SRP68: variants seen among roughly 807,000 people sequenced by gnomAD.
SRP68 encodes the protein signal recognition particle 68, also known as signal recognition particle subunit SRP68.
In SRP68, 15 loss-of-function variants were observed where a neutral mutation model predicts 82.2. The ratio of observed to expected loss-of-function variants is 0.18; its 90% CI spans 0.12 to 0.28. The LOEUF (loss-of-function observed/expected upper bound fraction) is 0.28, where lower values mean the gene tolerates loss of function less well. Among genes scored for constraint, SRP68 ranks in the 10% least tolerant of loss-of-function variants. The pLI is 1.00. For missense variants in SRP68, 595 were observed against 780.5 expected (o/e 0.76, Z 2.83); for synonymous variants, 261 against 292.6 (o/e 0.89, Z 1.10).
rs191111098 is a variant in SRP68 at position 76,043,437 on chromosome 17, C to T, written c.1524+392G>A. 1,203 of 154,098 alleles carry T rather than the reference C, an allele frequency of 7.8e-3. 17 individuals carry two copies. The highest frequency in any genetic ancestry group is 0.027 in the African/African-American group (1,128 of 41,514). 9.5% of individuals were successfully genotyped at this position (154,098 alleles called of 1,614,324 possible). A position where few individuals can be genotyped will look rare whatever the true frequency, so the allele number is the denominator to read the frequency against. ...GAATCACTAAGGGGCCTTTCTAAGT[C>T]CCAATGCCCACTTCAGATCCCTCAC... On this transcript the variant is annotated intron_variant, in intron 13 of 15. Transcript: ENST00000307877.
intron 7 of SRP68, among the ~76,000 whole-genome samples, chr17:76,058,310 G>A (rs999736454): frequency 6.6e-6 from 1 of 151,880 alleles, no homozygotes; most frequent in Non-Finnish European, 1.5e-5. Context: ...TAGTACAGAC[G>A]GGGTTTCTCC....
rs1370539839 is a variant in SRP68 at position 76,057,411 on chromosome 17, T to C, written c.970A>G (p.Ile324Val). ...LLGLADNEAA[I>V]VQAESEETKE... ...AAGTTCTTCCTCCTCACCTGGACAA[T>C]AGCTGCTTCGTTATCAGCCAGTCCT... The change falls in exon 8 of 16, where the codon ATT becomes GTT. Residue 324 changes from isoleucine to valine, a missense_variant. Ile to Val is a conservative substitution (Grantham distance 29). Transcript: ENST00000307877. The C allele has an allele frequency of 5.6e-6, 9 of 1,614,182 alleles. No individual in the cohort carries two copies. The East Asian group carries it at 8.9e-5, about 16-fold the overall frequency.
At chr17:76,048,005 C>G (rs539428113) in intron 9 of SRP68, 35 bp from the exon 10 acceptor site, 1 of 1,451,002 alleles carries the variant, frequency 6.9e-7, no homozygotes, top group Non-Finnish European at 9.5e-7. Flanking sequence ...AGTAAAGCAA[C>G]TGATGCTCTC....
chr17:76,058,136 C>T (rs2066725408), intron 7 of SRP68, among the ~76,000 whole-genome samples: 2 of 143,082 alleles, frequency 1.4e-5, no homozygotes, highest in South Asian at 4.3e-4. Context: ...CCATGCCTGG[C>T]TAATTTAAGA....
At chr17:76,053,959 C>T (rs2066694542) in intron 8 of SRP68, among the ~76,000 whole-genome samples, 1 of 152,204 alleles carries the variant, frequency 6.6e-6, no homozygotes, top group Admixed American at 6.5e-5. Context: ...CCAACCAGAA[C>T]GTGCTCTTAA....
At chr17:76,053,282 A>G (rs1050587012) in intron 8 of SRP68, among the ~76,000 whole-genome samples, 3 of 151,796 alleles carry the variant, frequency 2.0e-5, no homozygotes, top group Non-Finnish European at 2.9e-5. Flanking sequence ...AAAAAAAAAA[A>G]AAAGAAACAC....
At chr17:76,050,217 G>A (rs1217776852) in intron 9 of SRP68, among the ~76,000 whole-genome samples, 1 of 152,208 alleles carries the variant, frequency 6.6e-6, no homozygotes, top group African/African-American at 2.4e-5. Context: ...GAAACCATTA[G>A]GAGGAACAGG....
intron 8 of SRP68, among the ~76,000 whole-genome samples, chr17:76,050,872 C>A (rs936690834): frequency 6.6e-6 from 1 of 151,852 alleles, no homozygotes; most frequent in African/African-American, 2.4e-5. Context: ...GGACCTGGCA[C>A]CCCTTGAGGG....
chr17:76,065,703 G>A (rs2066801332), intron 3 of SRP68, among the ~76,000 whole-genome samples: 1 of 152,052 alleles, frequency 6.6e-6, no homozygotes, highest in Non-Finnish European at 1.5e-5. Context: ...AATCCTTCAA[G>A]GTCAAGCCTC....
rs1359719996 is a variant in SRP68, at chr17:76,062,741, A to T, written c.562-1167T>A. The stretch of plus-strand genomic sequence containing the variant: ...TATTATATTTATTTTATATATATAT[A>T]TATATATATATATATATATATATAA... On this transcript the variant is annotated intron_variant, in intron 4 of 15. Coordinates refer to ENST00000307877, the MANE Select transcript of SRP68 (RefSeq NM_014230.4). Among the ~76,000 whole-genome samples, 105 of 27,938 alleles carry T rather than the reference A, an allele frequency of 3.8e-3. 34 individuals carry two copies. Among genetic ancestry groups the T allele is most frequent in the Non-Finnish European group, 4.6e-3 (80 of 17,518 alleles). 18.3% of individuals were successfully genotyped at this position (27,938 alleles called of 152,430 possible).
chr17:76,046,255 T>A (rs1598259315), intron 10 of SRP68, 61 bp from the exon 11 acceptor site: 2 of 1,578,808 alleles, frequency 1.3e-6, no homozygotes, highest in Non-Finnish European at 1.7e-6. Context: ...CTGGGAGGAC[T>A]GGACTACAAG....
chr17:76,072,407 C>T lies in SRP68; in HGVS notation c.85G>A (p.Gly29Ser). Residue 29 changes from glycine to serine, a missense_variant, in exon 1 of 16, where the codon GGT becomes AGT. This residue lies in a region of SRP68 where 100 missense variants were observed against 91.9 expected (regional missense o/e 1.09). Transcript: ENST00000307877. The surrounding 1 kb of genome is among the most constrained non-coding windows in gnomAD (Gnocchi z 4.5). ...TCTTCCCCTCCGGCACCACGTCCAC[C>T]GCCGCTACCGCCGCCGCCACTGCCA... ...GGGSGGGGSG[G>S]GRGAGGEENK... 6.3e-7 allele frequency: 1 copy of T among 1,599,030 alleles called. No individual in the cohort carries two copies. Among genetic ancestry groups the T allele is most frequent in the Non-Finnish European group, 8.5e-7 (1 of 1,178,098 alleles).
Position 76,046,034 on chromosome 17 carries a change from T to C in SRP68, c.1299+4A>G. The C allele has an allele frequency of 1.9e-6, 3 of 1,613,490 alleles. No homozygotes were observed. Among genetic ancestry groups the C allele is most frequent in the Non-Finnish European group, 2.5e-6 (3 of 1,179,786 alleles). ...CCCTTGCCTTCCCGGTCCTCAAGGG[T>C]CACCTGTAAGATGATGTCATAGAGT... On this transcript the variant is annotated splice_donor_region_variant and intron_variant, in intron 11 of 15. Transcript: ENST00000307877.
rs141111435 is a variant in SRP68 at position 76,045,874 on chromosome 17, G to C, written c.1299+164C>G. ...TGCAGATCAGCATGTCTGAGAGGTAGGGGCTCACAGACTGCAGAACTGGTG... is the reference window on the plus strand; with the variant it reads ...TGCAGATCAGCATGTCTGAGAGGTACGGGCTCACAGACTGCAGAACTGGTG... On this transcript the variant is annotated intron_variant, in intron 11 of 15. Transcript: ENST00000307877. Among the ~76,000 whole-genome samples the C allele has an allele frequency of 5.9e-5, 9 of 152,312 alleles. No individual in the cohort carries two copies. The East Asian group carries it at 1.7e-3, about 29-fold the overall frequency.
intron 8 of SRP68, among the ~76,000 whole-genome samples, chr17:76,051,410 TG>T (rs1248600888): frequency 6.6e-6 from 1 of 152,230 alleles, no homozygotes; most frequent in Non-Finnish European, 1.5e-5. Context: ...CATTCCATTA[TG>T]GTATTTGACT....
chr17:76,059,863 T>C (rs1203177028), intron 7 of SRP68, among the ~76,000 whole-genome samples: 7 of 150,730 alleles, frequency 4.6e-5, no homozygotes, highest in Non-Finnish European at 1.0e-4. Context: ...CGGTGGCTCA[T>C]GCCTGTAATC....
chr17:76,045,481 A>G (rs1260344120), intron 11 of SRP68, 95 bp from the exon 12 acceptor site: 1 of 946,132 alleles, frequency 1.1e-6, no homozygotes, highest in East Asian at 2.4e-5. Context: ...GAGTGAGGAA[A>G]AAAAAAAGCC....
At position 76,057,475 on chromosome 17, in the gene SRP68, C is replaced by T. The variant is rs534346072; in HGVS notation, c.906G>A (p.Thr302=). 2.5e-5 allele frequency: 41 copies of T among 1,614,130 alleles called. No individual in the cohort carries two copies. Among genetic ancestry groups the T allele is most frequent in the South Asian group, 1.2e-4 (11 of 91,082 alleles). The stretch of plus-strand genomic sequence containing the variant: ...GCACTTTGTCAATCTTCACTGGAAC[C>T]GTTCTCCCTCTCCACTCCACTTCAC... ...TMSEVEWRGR[T]VPVKIDKVRI... Residue 302 remains threonine, a synonymous_variant, in exon 8 of 16, where the codon ACG becomes ACA. Coordinates refer to ENST00000307877, the MANE Select transcript of SRP68 (RefSeq NM_014230.4).
At chr17:76,041,110 G>GAACAA (rs200076584) in intron 13 of SRP68, 132 bp from the exon 14 acceptor site, 9,654 of 604,770 alleles carry the variant, frequency 0.016, 229 homozygotes, top group Middle Eastern at 0.072. Flanking sequence ...CTCACTATTA[G>GAACAA]AACAAAACAA....
Sources: gnomAD v4.1 joint callset for allele counts (sites outside exome capture counted in the v4.1 genomes callset) on GRCh38, gnomAD v4.1.1 for gene constraint, gnomAD v4.1.1 regional missense constraint, Gnocchi (gnomAD v3.1) non-coding constraint, MANE v1.5 for transcripts, NCBI Gene and HGNC (gene_info 2026-07-23, HGNC 2026-07-21) for gene names.